Variants in VRTN observed in about 807,000 individuals in gnomAD.
VRTN encodes the protein vertebrae development associated.
Under a neutral mutation model 18.2 loss-of-function variants are expected in VRTN, and 5 were observed. The observed-to-expected ratio is 0.27, with a 90% CI of 0.14 to 0.58. VRTN has a LOEUF of 0.58. VRTN is among the 20% of genes least tolerant of loss of function. The probability of loss-of-function intolerance (pLI) is 0.91; values close to 1 mark genes in which losing one functional copy is unlikely to be tolerated. For synonymous variants in VRTN, 381 were observed against 393.7 expected (o/e 0.97, Z 0.38); for missense variants, 741 against 939.4 (o/e 0.79, Z 2.76).
In VRTN at chr14:74,326,492, C is replaced by A. The variant is rs542409937; in HGVS notation, c.-163-11231C>A. 2.0e-5 allele frequency among the ~76,000 whole-genome samples: 3 copies of A among 152,204 alleles called. No homozygotes were observed. In the South Asian group the frequency reaches 6.2e-4, roughly 32 times the overall value. ...GATGGAAGCTGAGGAATCTGTTTGT[C>A]ATCCACTGCATGCTGAGCTGCCATT... On this transcript the variant is annotated intron_variant, in intron 1 of 2. Coordinates refer to the VRTN transcript ENST00000557177.
At chr14:74,355,351 A>G (rs2085718459) in intron 1 of VRTN, among the ~76,000 whole-genome samples, 1 of 152,174 alleles carries the variant, frequency 6.6e-6, no homozygotes, top group Non-Finnish European at 1.5e-5. Context: ...TAAAAATTGT[A>G]TATCATGCTA....
At chr14:74,336,530 AATAG>A (rs980921228) in intron 1 of VRTN, among the ~76,000 whole-genome samples, 5 of 152,194 alleles carry the variant, frequency 3.3e-5, no homozygotes, top group South Asian at 2.1e-4. Flanking sequence ...ATACATACAT[AATAG>A]ATAGATTTTT....
intron 1 of VRTN, among the ~76,000 whole-genome samples, chr14:74,320,978 G>C (rs1389500754): frequency 6.6e-6 from 1 of 151,256 alleles, no homozygotes; most frequent in African/African-American, 2.4e-5. Flanking sequence ...TTCCTGAAAG[G>C]CTGTGGATAA....
intron 1 of VRTN, among the ~76,000 whole-genome samples, chr14:74,316,954 A>T (rs2085423177): frequency 6.6e-6 from 1 of 152,076 alleles, no homozygotes; most frequent in African/African-American, 2.4e-5. Flanking sequence ...TATTCTTGGG[A>T]TGTTCAAGGA....
At chr14:74,315,167 G>A (rs111695434) in intron 1 of VRTN, among the ~76,000 whole-genome samples, 1 of 152,134 alleles carries the variant, frequency 6.6e-6, no homozygotes, top group Non-Finnish European at 1.5e-5. Flanking sequence ...ATACTTTGGG[G>A]TATTGTTTTC....
At chr14:74,346,312 A>C (rs2085644222), upstream of VRTN, among the ~76,000 whole-genome samples, 1 of 152,108 alleles carries the variant, frequency 6.6e-6, no homozygotes, top group Admixed American at 6.6e-5. Context: ...AAAAGAAAAG[A>C]AAAGAAAAGA....
intron 1 of VRTN, among the ~76,000 whole-genome samples, chr14:74,334,858 G>T (rs1034989538): frequency 1.3e-5 from 2 of 152,150 alleles, no homozygotes; most frequent in African/African-American, 4.8e-5. Flanking sequence ...TGGGTCTATG[G>T]ATTGGATTCT....
chr14:74,355,419 C>A (rs894743573), intron 1 of VRTN, among the ~76,000 whole-genome samples: 1 of 152,164 alleles, frequency 6.6e-6, no homozygotes, highest in Non-Finnish European at 1.5e-5. Flanking sequence ...ATTCATCATA[C>A]CTCGGGTTGC....
chr14:74,310,319 C>T (rs1028399907), intron 1 of VRTN, among the ~76,000 whole-genome samples: 11 of 147,550 alleles, frequency 7.5e-5, no homozygotes, highest in African/African-American at 2.3e-4. Flanking sequence ...CTCACTTGAA[C>T]GTGGGAGGCA....
At chr14:74,331,159 G>C (rs900300799) in intron 1 of VRTN, among the ~76,000 whole-genome samples, 2 of 150,610 alleles carry the variant, frequency 1.3e-5, no homozygotes, top group African/African-American at 2.4e-5. Flanking sequence ...CCGAGATCGC[G>C]CCACTGCACT....
chr14:74,306,744 G>A (rs899664729), intron 1 of VRTN, among the ~76,000 whole-genome samples: 1 of 151,094 alleles, frequency 6.6e-6, no homozygotes, highest in Non-Finnish European at 1.5e-5. Flanking sequence ...ACAGGTATGC[G>A]CCAACATGCC....
Position 74,358,614 on chromosome 14 carries a change from G to T in VRTN, c.1831G>T (p.Glu611Ter). Residue 611 changes from glutamate to a stop codon, truncating the protein, a stop_gained, in exon 2 of 2, where the codon GAG (glutamate) becomes TAG (stop). Transcript: ENST00000256362. LOFTEE classifies it high-confidence loss of function. The surrounding 1 kb of genome is among the most constrained non-coding windows in gnomAD (Gnocchi z 5.4). Reference sequence around the variant, plus strand: ...GCCTTCCAGAGAGGGGGCCCTGCAGGAGGGGGCCACAGCCCAGGGCCAGCC... The same window carrying T: ...GCCTTCCAGAGAGGGGGCCCTGCAGTAGGGGGCCACAGCCCAGGGCCAGCC... ...GGPSREGALQ[E>*]GATAQGQPHS... 6.2e-7 allele frequency: 1 copy of T among 1,601,770 alleles called. No homozygotes were observed. Among genetic ancestry groups the T allele is most frequent in the Non-Finnish European group, 8.5e-7 (1 of 1,173,362 alleles).
At chr14:74,343,734 A>G (rs975622995), upstream of VRTN, among the ~76,000 whole-genome samples, 3 of 152,182 alleles carry the variant, frequency 2.0e-5, no homozygotes, top group African/African-American at 7.2e-5. Context: ...GATGTGCTTT[A>G]AGTGTAAAAT....
At position 74,337,841 on chromosome 14, in the gene VRTN, C is replaced by G. The variant is rs186613299; in HGVS notation, c.-45C>G. On this transcript the variant is annotated 5_prime_UTR_variant, in exon 2 of 3. Coordinates refer to the VRTN transcript ENST00000557177. ...CCAATGACATTGCCCATCCCAGGTA[C>G]CTGGGCTGCCTGCTTTTCCCTGAAG... The G allele has an allele frequency of 2.0e-5, 3 of 152,272 alleles. No homozygotes were observed. In the East Asian group the frequency reaches 5.8e-4, roughly 29 times the overall value. 9.4% of individuals were successfully genotyped at this position (152,272 alleles called of 1,614,324 possible). A position where few individuals can be genotyped will look rare whatever the true frequency, so the allele number is the denominator to read the frequency against.
intron 1 of VRTN, among the ~76,000 whole-genome samples, chr14:74,320,544 G>A (rs1418656286): frequency 7.5e-5 from 9 of 120,548 alleles, no homozygotes; most frequent in South Asian, 3.0e-4. Context: ...TTACAGACTT[G>A]AGCCACTGCG....
intron 1 of VRTN, among the ~76,000 whole-genome samples, chr14:74,308,866 G>T (rs1290055761): frequency 1.6e-4 from 23 of 144,776 alleles, no homozygotes; most frequent in East Asian, 4.0e-4. Flanking sequence ...ACTTCTGTTT[G>T]TTTTTTTTTT....
intron 1 of VRTN, among the ~76,000 whole-genome samples, chr14:74,349,491 G>A (rs1283099757): frequency 1.3e-5 from 2 of 152,204 alleles, no homozygotes; most frequent in Non-Finnish European, 2.9e-5. Flanking sequence ...GTTGACTATA[G>A]AGAACACAGC....
intron 1 of VRTN, chr14:74,306,636 T>C: frequency 6.6e-6 from 1 of 150,652 alleles, no homozygotes; most frequent in East Asian, 1.9e-4. Flanking sequence ...TTTGACAGGT[T>C]CTTGCTCTGT....
At chr14:74,323,516 G>T (rs949595216) in intron 1 of VRTN, among the ~76,000 whole-genome samples, 3 of 151,862 alleles carry the variant, frequency 2.0e-5, no homozygotes, top group Non-Finnish European at 4.4e-5. Flanking sequence ...CCCGGGAAGT[G>T]CAGGCTGCAG....
Sources: gnomAD v4.1 joint callset for allele counts (sites outside exome capture counted in the v4.1 genomes callset) on GRCh38, gnomAD v4.1.1 for gene constraint, Gnocchi (gnomAD v3.1) non-coding constraint, MANE v1.5 for transcripts, NCBI Gene and HGNC (gene_info 2026-07-23, HGNC 2026-07-21) for gene names.